PNPLA6: variants seen among roughly 807,000 people sequenced by gnomAD.
PNPLA6 encodes the protein patatin like domain 6, lysophospholipase.
In PNPLA6, 105 loss-of-function variants were observed where a neutral mutation model predicts 153.7. That is an observed-to-expected ratio of 0.68 (90% confidence interval 0.58 to 0.80). The LOEUF (loss-of-function observed/expected upper bound fraction) is 0.80. PNPLA6 is among the 30% of genes least tolerant of loss of function. The pLI, the probability that PNPLA6 is intolerant of heterozygous loss-of-function variation, is 0.00. For synonymous variants in PNPLA6, 825 were observed against 822.2 expected (o/e 1.00, Z -0.06); for missense variants, 1,423 against 1,919.3 (o/e 0.74, Z 4.83).
rs957413547 is a variant in PNPLA6 at position 7,561,689 on chromosome 19, C to A, written c.*127C>A. 1 of 728,314 alleles carries A rather than the reference C, an allele frequency of 1.4e-6. No homozygotes were observed. Among genetic ancestry groups the A allele is most frequent in the African/African-American group, 1.7e-5 (1 of 57,846 alleles). The allele number at this position is 728,314 out of a possible 1,614,324, so 45.1% of individuals were successfully genotyped here. On this transcript the variant is annotated 3_prime_UTR_variant, in exon 32 of 32. Transcript: ENST00000600737. ...CCCCGCGGCCCACACACTGGACTGA[C>A]CTGCCCTGAGCGGGGATGCAGTGTT...
chr19:7,555,364 C>T lies in PNPLA6; in HGVS notation c.2933C>T (p.Ala978Val). ...TIALVLGGGGARGCSHIGVLK... is the reference protein window; with the variant it reads ...TIALVLGGGGVRGCSHIGVLK... ...GCCCTTGTGCTAGGCGGGGGCGGGG[C>T]CAGGTGAGGGCGGGGCTTGCTCTCT... Residue 978 changes from alanine to valine, a missense_variant, in exon 23 of 32, where the codon GCC becomes GTC. Ala to Val is a moderately conservative substitution (Grantham distance 64). This residue lies in a region of PNPLA6 where 643 missense variants were observed against 835.2 expected (regional missense o/e 0.77). Transcript: ENST00000600737. The surrounding 1 kb of genome is among the most constrained non-coding windows in gnomAD (Gnocchi z 6.3). 6.5e-7 allele frequency: 1 copy of T among 1,537,880 alleles called. No individual in the cohort carries two copies. The highest frequency in any genetic ancestry group is 8.8e-7 in the Non-Finnish European group (1 of 1,136,678).
In PNPLA6 at chr19:7,542,831, C is replaced by T; in HGVS notation, c.1433C>T (p.Ala478Val). 1 of 1,613,028 alleles carries T rather than the reference C, an allele frequency of 6.2e-7. No homozygotes were observed. Among genetic ancestry groups the T allele is most frequent in the Non-Finnish European group, 8.5e-7 (1 of 1,179,884 alleles). The change falls in exon 12 of 32, where the codon GCC (alanine) becomes GTC (valine). Residue 478 changes from alanine (A) to valine (V), a missense_variant. Ala to Val is a moderately conservative substitution (Grantham distance 64). Transcript: ENST00000600737. ...TACAGCTACTGTGAGGATGAGTCGG[C>T]CACTGGTGGCTGCCCTTTCGGGCCC... ...CEYSYCEDES[A>V]TGGCPFGPYQ... is the part of the protein sequence containing the mutation.
chr19:7,539,845 A>C, intron 3 of PNPLA6, 73 bp from the exon 4 acceptor site: 2 of 997,398 alleles, frequency 2.0e-6, no homozygotes, highest in Non-Finnish European at 1.5e-6. Context: ...GGAAAGGGGT[A>C]TGCGGGGGTC....
Position 7,560,713 on chromosome 19 carries a change from A to C in PNPLA6, c.3765A>C (p.Lys1255Asn), listed in dbSNP as rs1718204577. 1 of 1,613,798 alleles carries C rather than the reference A, an allele frequency of 6.2e-7. No individual in the cohort carries two copies. The highest frequency in any genetic ancestry group is 1.7e-5 in the Admixed American group (1 of 59,978). Residue 1255 changes from lysine (K) to asparagine (N), a missense_variant, in exon 29 of 32, where the codon AAA (lysine) becomes AAC (asparagine). By Grantham distance (94) the Lys-to-Asn change is moderately conservative. Coordinates refer to ENST00000600737, the MANE Select transcript of PNPLA6 (RefSeq NM_001166114.2). ...GGWSRGNVIE[K>N]MLTDRRSTDL... ...GGAGCCGTGGCAACGTCATTGAGAA[A>C]ATGCTCACAGACCGGCGGTCTACAG...
intron 28 of PNPLA6, 100 bp from the exon 29 acceptor site, chr19:7,560,548 C>G (rs1425533591): frequency 3.5e-6 from 3 of 845,694 alleles, no homozygotes; most frequent in Non-Finnish European, 4.1e-6. Context: ...TGCAACTCCC[C>G]CAGAGAATCA....
At position 7,558,960 on chromosome 19, in the gene PNPLA6, C is replaced by T; in HGVS notation, c.3508C>T (p.Leu1170=). The T allele has an allele frequency of 1.9e-6, 3 of 1,614,188 alleles. No homozygotes were observed. The South Asian group carries it at 3.3e-5, about 18-fold the overall frequency. The change falls in exon 28 of 32, where the codon CTG becomes TTG. Residue 1170 remains leucine (L), a synonymous_variant. Coordinates refer to ENST00000600737, the MANE Select transcript of PNPLA6 (RefSeq NM_001166114.2). ...YGDSLSGWWL[L]WKRLNPWADK... ...GGACAGCCTGTCCGGCTGGTGGCTGCTGTGGAAGCGGCTGAATCCCTGGGC... is the reference window on the plus strand; with the variant it reads ...GGACAGCCTGTCCGGCTGGTGGCTGTTGTGGAAGCGGCTGAATCCCTGGGC...
chr19:7,552,984 G>A (rs1242470712), intron 18 of PNPLA6, among the ~76,000 whole-genome samples: 2 of 150,714 alleles, frequency 1.3e-5, no homozygotes, highest in African/African-American at 4.9e-5. Flanking sequence ...GGAGGCTGGT[G>A]GTTTTGAAGC....
At position 7,535,769 on chromosome 19, in the gene PNPLA6, A is replaced by G; in HGVS notation, c.-20A>G. 2.0e-6 allele frequency: 3 copies of G among 1,528,864 alleles called. No individual in the cohort carries two copies. Among genetic ancestry groups the G allele is most frequent in the Non-Finnish European group, 2.6e-6 (3 of 1,140,820 alleles). 94.7% of individuals were successfully genotyped at this position (1,528,864 alleles called of 1,614,324 possible). A position where few individuals can be genotyped will look rare whatever the true frequency, so the allele number is the denominator to read the frequency against. The stretch of plus-strand genomic sequence containing the variant: ...AGAGTCGCGCCCCCGGGGAGGGAGC[A>G]GCACTGGCCCATTCTGCAGATGGGG... On this transcript the variant is annotated 5_prime_UTR_variant, in exon 1 of 32. Coordinates refer to ENST00000600737, the MANE Select transcript of PNPLA6 (RefSeq NM_001166114.2). The surrounding 1 kb of genome is among the most constrained non-coding windows in gnomAD (Gnocchi z 5.0).
chr19:7,552,223 G>A (rs2023681188), intron 18 of PNPLA6, among the ~76,000 whole-genome samples: 1 of 152,234 alleles, frequency 6.6e-6, no homozygotes, highest in South Asian at 2.1e-4. Flanking sequence ...AGCTTGCTGG[G>A]AGATGTAGCC....
Position 7,555,001 on chromosome 19 carries a change from C to G in PNPLA6, c.2743C>G (p.Arg915Gly), listed in dbSNP as rs377171140. ...PTRTVEWLNM[R>G]SWCSGHLHLR... ...GCGCACCGTGGAGTGGCTAAATATGCGCAGCTGGTGCTCGGGGCACCTGCA... is the reference window on the plus strand; with the variant it reads ...GCGCACCGTGGAGTGGCTAAATATGGGCAGCTGGTGCTCGGGGCACCTGCA... Residue 915 changes from arginine to glycine, a missense_variant, in exon 22 of 32, where the codon CGC becomes GGC. Transcript: ENST00000600737. The surrounding 1 kb of genome is among the most constrained non-coding windows in gnomAD (Gnocchi z 6.3). 1.3e-6 allele frequency: 2 copies of G among 1,593,678 alleles called. No individual in the cohort carries two copies. The highest frequency in any genetic ancestry group is 4.5e-5 in the East Asian group (2 of 44,700).
chr19:7,548,801 CTT>C (rs1159787936), intron 13 of PNPLA6, among the ~76,000 whole-genome samples: 32 of 67,216 alleles, frequency 4.8e-4, no homozygotes, highest in African/African-American at 1.3e-3. Flanking sequence ...AAAAATTTTT[CTT>C]TTTTTTTTTT....
chr19:7,552,238 G>A (rs2023682049), intron 18 of PNPLA6, among the ~76,000 whole-genome samples: 1 of 152,212 alleles, frequency 6.6e-6, no homozygotes, highest in South Asian at 2.1e-4. Flanking sequence ...GTAGCCCCCT[G>A]TTTCAGCCTG....
rs2022876847 is a variant in PNPLA6 at position 7,536,483 on chromosome 19, C to T, written c.350C>T (p.Ser117Phe). Reference protein sequence around the residue: ...SQSTSSLVDTSVSATSRPRMR... With the variant: ...SQSTSSLVDTFVSATSRPRMR... ...TCCACCTCCTCCCTCGTGGATACCT[C>T]TGTCTCCGCCACCTCCCGGCCACGC... Residue 117 changes from serine to phenylalanine, a missense_variant, in exon 3 of 32, where the codon TCT (serine) becomes TTT (phenylalanine). This residue lies in a region of PNPLA6 where 74 missense variants were observed against 171.3 expected (regional missense o/e 0.43). Coordinates refer to ENST00000600737, the MANE Select transcript of PNPLA6 (RefSeq NM_001166114.2). 6.2e-7 allele frequency: 1 copy of T among 1,613,968 alleles called. No individual in the cohort carries two copies. The highest frequency in any genetic ancestry group is 8.5e-7 in the Non-Finnish European group (1 of 1,179,802).
chr19:7,543,980 A>AT (rs1174773370), intron 13 of PNPLA6, among the ~76,000 whole-genome samples: 28 of 132,228 alleles, frequency 2.1e-4, no homozygotes, highest in African/African-American at 6.9e-4. Flanking sequence ...TGCCCGGCTA[A>AT]TTTTTTGTAT....
Position 7,556,153 on chromosome 19 carries a change from C to T in PNPLA6, c.3094-300C>T, listed in dbSNP as rs575739864. On this transcript the variant is annotated intron_variant, in intron 24 of 31. Coordinates refer to ENST00000600737, the MANE Select transcript of PNPLA6 (RefSeq NM_001166114.2). ...TCTCGGCTCACTGCAACCTCCACCT[C>T]CCAGGTTCAAGTGATTTATCCGCCT... 1.6e-4 allele frequency among the ~76,000 whole-genome samples: 24 copies of T among 150,144 alleles called. 2 individuals carry two copies. The South Asian group carries it at 5.1e-3, about 32-fold the overall frequency.
rs577866 is a variant in PNPLA6 at position 7,542,137 on chromosome 19, T to C, written c.1252+70T>C. The C allele has an allele frequency of 0.32, 385,040 of 1,216,114 alleles. 66,745 individuals are homozygous for C. Among genetic ancestry groups the C allele is most frequent in the East Asian group, 0.55 (23,368 of 42,836 alleles). The allele number at this position is 1,216,114 out of a possible 1,614,324, so 75.3% of individuals were successfully genotyped here. ...TTTGAATCCAGGTCCACCGCCTGCC[T>C]GTCTTGATTGTTTTAATCTGCGAAA... On this transcript the variant is annotated intron_variant, in intron 10 of 31. Transcript: ENST00000600737.
intron 19 of PNPLA6, 49 bp downstream of exon 19, chr19:7,554,064 TAGTG>T (rs781629016): frequency 6.2e-6 from 10 of 1,603,894 alleles, no homozygotes; most frequent in Non-Finnish European, 8.5e-6. Flanking sequence ...GGTGGGACAT[TAGTG>T]AGTGAGAGAT....
At chr19:7,538,737 A>G (rs1336383958) in intron 3 of PNPLA6, among the ~76,000 whole-genome samples, 1 of 152,200 alleles carries the variant, frequency 6.6e-6, no homozygotes, top group Non-Finnish European at 1.5e-5. Flanking sequence ...ACTGGGAGGA[A>G]GGTCTATCTC....
intron 14 of PNPLA6, 23 bp downstream of exon 14, chr19:7,550,135 T>C (rs759372581): frequency 6.2e-7 from 1 of 1,613,322 alleles, no homozygotes; most frequent in South Asian, 1.1e-5. Context: ...GAAGTTGGAG[T>C]GTGGGTGGCA....
Sources: gnomAD v4.1 joint callset for allele counts (sites outside exome capture counted in the v4.1 genomes callset) on GRCh38, gnomAD v4.1.1 for gene constraint, gnomAD v4.1.1 regional missense constraint, Gnocchi (gnomAD v3.1) non-coding constraint, MANE v1.5 for transcripts, NCBI Gene and HGNC (gene_info 2026-07-23, HGNC 2026-07-21) for gene names.